Variants in ARAP2 observed in about 807,000 individuals in gnomAD.
The protein encoded by ARAP2 is ArfGAP with RhoGAP domain, ankyrin repeat and PH domain 2, also known as arf-GAP with Rho-GAP domain, ANK repeat and PH domain-containing protein 2.
A neutral mutation model predicts 194.5 loss-of-function variants in ARAP2; 148 were observed. That is an observed-to-expected ratio of 0.76 (90% CI 0.67 to 0.87). ARAP2 has a LOEUF of 0.87. Ranked by LOEUF, ARAP2 falls within the 40% of genes least tolerant of loss-of-function variation. The pLI, the probability that ARAP2 is intolerant of heterozygous loss-of-function variation, is 0.00. For synonymous variants in ARAP2, 695 were observed against 683.5 expected, an observed-to-expected ratio of 1.02 and a Z score of -0.26; for missense variants, 2,128 against 1,989.7, an observed-to-expected ratio of 1.07 and a Z score of -1.32.
chr4:36,061,987 T>A (rs1391912751), downstream of ARAP2, among the ~76,000 whole-genome samples: 2 of 152,236 alleles, frequency 1.3e-5, no homozygotes, highest in African/African-American at 4.8e-5. Context: ...CAACTTTTAA[T>A]CAAATTATTA....
At chr4:36,214,804 AATGCTAAT>A (rs1455765259) in intron 2 of ARAP2, among the ~76,000 whole-genome samples, 55 of 152,352 alleles carry the variant, frequency 3.6e-4, no homozygotes, top group African/African-American at 1.3e-3. Context: ...ATATTTTTCC[AATGCTAAT>A]ATGCACATAA....
intron 5 of ARAP2, among the ~76,000 whole-genome samples, chr4:36,019,763 G>A (rs1161479164): frequency 6.6e-6 from 1 of 152,044 alleles, no homozygotes; most frequent in African/African-American, 2.4e-5. Flanking sequence ...TGAGAAATAG[G>A]TTATAAAGAG....
At chr4:36,087,954 GAAT>G (rs932756918) in intron 28 of ARAP2, among the ~76,000 whole-genome samples, 23 of 152,004 alleles carry the variant, frequency 1.5e-4, no homozygotes, top group African/African-American at 4.8e-4. Flanking sequence ...TGCATAGTGG[GAAT>G]AATAAGAGTA....
At chr4:36,211,712 T>C (rs994551410) in intron 5 of ARAP2, among the ~76,000 whole-genome samples, 1 of 152,152 alleles carries the variant, frequency 6.6e-6, no homozygotes, top group Non-Finnish European at 1.5e-5. Context: ...AATTAAACTG[T>C]TGGCAATACA....
At chr4:36,173,792 A>T (rs756504066) in intron 9 of ARAP2, among the ~76,000 whole-genome samples, 1 of 152,216 alleles carries the variant, frequency 6.6e-6, no homozygotes, top group Non-Finnish European at 1.5e-5. Context: ...TTGCCTGAGG[A>T]TACAGCAGTG....
At chr4:36,216,714 T>G (rs980895725) in intron 2 of ARAP2, among the ~76,000 whole-genome samples, 2 of 151,934 alleles carry the variant, frequency 1.3e-5, no homozygotes, top group Admixed American at 1.3e-4. Context: ...TCCAAGAGAC[T>G]ACTACCCAGC....
rs546447122 is a variant in ARAP2 at position 36,174,109 on chromosome 4, G to A, written c.1857+3718C>T. On this transcript the variant is annotated intron_variant, in intron 9 of 32. Coordinates refer to ENST00000303965, the MANE Select transcript of ARAP2 (RefSeq NM_015230.4). ...GTTACCACTGTACCTCTAGTTTCTAGAGCAGTGCCCAGAAATGAGAAGATG... is the reference window on the plus strand; with the variant it reads ...GTTACCACTGTACCTCTAGTTTCTAAAGCAGTGCCCAGAAATGAGAAGATG... Among the ~76,000 whole-genome samples the A allele has an allele frequency of 3.9e-5, 6 of 152,332 alleles. No individual in the cohort carries two copies. The East Asian group carries it at 1.2e-3, about 29-fold the overall frequency.
At chr4:36,050,985 T>C (rs1054656843) in intron 3 of ARAP2, among the ~76,000 whole-genome samples, 2 of 152,238 alleles carry the variant, frequency 1.3e-5, no homozygotes, top group African/African-American at 4.8e-5. Context: ...AAATTCCTCC[T>C]GTAAAAATCA....
intron 26 of ARAP2, among the ~76,000 whole-genome samples, chr4:36,110,786 G>A (rs963895232): frequency 1.3e-5 from 2 of 151,850 alleles, no homozygotes; most frequent in African/African-American, 2.4e-5. Context: ...TCTCACCAAC[G>A]ACAGTAATGG....
In ARAP2 at chr4:36,128,601, CTT is replaced by C. The variant is rs776272042; in HGVS notation, c.3570_3571del (p.Ser1191PhefsTer4). 8.7e-6 allele frequency: 14 copies of C among 1,612,698 alleles called. No individual in the cohort carries two copies. The highest frequency in any genetic ancestry group is 1.2e-5 in the Non-Finnish European group (14 of 1,179,512). ...TGCATCATCAATGTCAGAGAGAAAA[CTT>C]TTCAACACAGCCGTCACATCTTCAA... On this transcript the variant is annotated frameshift_variant, in exon 21 of 33. Transcript: ENST00000303965. LOFTEE classifies it high-confidence loss of function.
chr4:36,187,699 A>G (rs2109893220), intron 7 of ARAP2, 128 bp from the exon 8 acceptor site: 1 of 716,530 alleles, frequency 1.4e-6, no homozygotes, highest in Non-Finnish European at 2.1e-6. Flanking sequence ...TAAATGCCAT[A>G]CAAGTAATTT....
At chr4:36,213,104 C>T in intron 4 of ARAP2, 139 bp downstream of exon 4, 2 of 658,892 alleles carry the variant, frequency 3.0e-6, no homozygotes, top group African/African-American at 1.9e-5. Context: ...TTTTACTGAA[C>T]AAAAATTTTG....
intron 27 of ARAP2, among the ~76,000 whole-genome samples, chr4:36,102,487 T>A (rs1995901): frequency 6.6e-6 from 1 of 151,992 alleles, no homozygotes; most frequent in African/African-American, 2.4e-5. Context: ...GTTTATTCAA[T>A]ATGTACTTTT....
intron 31 of ARAP2, among the ~76,000 whole-genome samples, chr4:36,079,272 G>A (rs750728862): frequency 4.6e-5 from 7 of 151,982 alleles, no homozygotes; most frequent in Non-Finnish European, 8.8e-5. Flanking sequence ...AGTCTCTTGT[G>A]CACATGTTTT....
At chr4:36,092,058 T>C (rs1713812540) in intron 27 of ARAP2, 38 bp from the exon 28 acceptor site, 1 of 1,464,832 alleles carries the variant, frequency 6.8e-7, no homozygotes, top group East Asian at 2.4e-5. Context: ...GTTGGGTACG[T>C]TTTTACTTAT....
In ARAP2 at chr4:36,019,221, A is replaced by C. The variant is rs1019438297; in HGVS notation, n.673T>G. On this transcript the variant is annotated non_coding_transcript_exon_variant, in exon 6 of 13. Coordinates refer to the ARAP2 transcript ENST00000503225. ...TAGTAGAATAAGTAGTGAAGTTACA[A>C]GGAAGACCACAATCACTCAAGGGAT... The C allele has an allele frequency of 2.0e-5, 3 of 149,652 alleles. 1 individual carries two copies. The highest frequency in any genetic ancestry group is 7.7e-5 in the African/African-American group (3 of 38,972). The allele number at this position is 149,652 out of a possible 1,614,324, so 9.3% of individuals were successfully genotyped here. A position where few individuals can be genotyped will look rare whatever the true frequency, so the allele number is the denominator to read the frequency against.
In ARAP2 at chr4:36,035,454, T is replaced by C. The variant is rs75600047; in HGVS notation, n.607+10525A>G. 2.0e-3 allele frequency among the ~76,000 whole-genome samples: 298 copies of C among 152,298 alleles called. 1 individual carries two copies. Among genetic ancestry groups the C allele is most frequent in the African/African-American group, 6.9e-3 (285 of 41,574 alleles). On this transcript the variant is annotated intron_variant and non_coding_transcript_variant, in intron 5 of 12. Transcript: ENST00000503225. ...ATTGTATATCTTCTGTTTTTAGCCA[T>C]TGTGAAAAGTGATGCTATGAAGGTT... is the stretch of plus-strand genomic sequence containing the variant.
At chr4:36,064,292 T>C (rs1348335027), downstream of ARAP2, among the ~76,000 whole-genome samples, 4 of 151,760 alleles carry the variant, frequency 2.6e-5, no homozygotes, top group African/African-American at 9.7e-5. Context: ...GGAGGAATTC[T>C]CCTCCTTAGA....
chr4:36,153,815 T>TTCA (rs953857421), intron 15 of ARAP2, among the ~76,000 whole-genome samples: 7 of 152,190 alleles, frequency 4.6e-5, no homozygotes, highest in Non-Finnish European at 7.4e-5. Context: ...ACTCCTCCTC[T>TTCA]TCATCATCAT....
Sources: gnomAD v4.1 joint callset for allele counts (sites outside exome capture counted in the v4.1 genomes callset) on GRCh38, gnomAD v4.1.1 for gene constraint, MANE v1.5 for transcripts, NCBI Gene and HGNC (gene_info 2026-07-23, HGNC 2026-07-21) for gene names.